The following ALPK2 variants were observed in gnomAD, a reference collection of about 807,000 sequenced individuals.
ALPK2 encodes the protein alpha kinase 2, also known as alpha-protein kinase 2.
ALPK2 carries 127 observed loss-of-function variants against 163.1 expected under a neutral mutation model. The observed-to-expected ratio is 0.78, with a 90% CI of 0.67 to 0.90. ALPK2 has a LOEUF of 0.90. Ranked by LOEUF, ALPK2 falls within the 40% of genes least tolerant of loss-of-function variation. The pLI, the probability that ALPK2 is intolerant of heterozygous loss-of-function variation, is 0.00. For synonymous variants in ALPK2, 953 were observed against 959.1 expected (o/e 0.99, Z 0.12); for missense variants, 2,360 against 2,589.6 (o/e 0.91, Z 1.92).
chr18:58,554,951 C>G (rs2051782251), intron 4 of ALPK2, among the ~76,000 whole-genome samples: 1 of 152,228 alleles, frequency 6.6e-6, no homozygotes, highest in African/African-American at 2.4e-5. Context: ...CTTTGCACAC[C>G]CTCTCTTATT....
rs398033036 is a variant in ALPK2 at position 58,521,627 on chromosome 18, CTTT to C, written c.5665+2176_5665+2178del. Among the ~76,000 whole-genome samples the C allele has an allele frequency of 2.7e-4, 15 of 55,386 alleles. 2 individuals are homozygous for C. The highest frequency in any genetic ancestry group is 6.3e-4 in the African/African-American group (10 of 15,832). 36.3% of individuals were successfully genotyped at this position (55,386 alleles called of 152,430 possible). ...TTTCTTTTTCTTTCTTTCTCTCTCT[CTTT>C]TTTTTTTTTTTTTTTTGAGATGGAG... On this transcript the variant is annotated intron_variant, in intron 8 of 12. Coordinates refer to ENST00000361673, the MANE Select transcript of ALPK2 (RefSeq NM_052947.4).
At chr18:58,619,697 A>G (rs7228683) in intron 1 of ALPK2, among the ~76,000 whole-genome samples, 133,236 of 152,312 alleles carry the variant, frequency 0.87, 58,687 homozygotes, top group East Asian at 1. Context: ...AAAATTGAGT[A>G]CTGGCAGCAA....
chr18:58,577,996 G>GT (rs1280293077), intron 4 of ALPK2: 2 of 152,104 alleles, frequency 1.3e-5, no homozygotes, highest in Non-Finnish European at 2.9e-5. Flanking sequence ...ATATTACAGC[G>GT]TAAGTCCAAA....
chr18:58,613,167 G>A (rs1032366210), intron 1 of ALPK2, among the ~76,000 whole-genome samples: 6 of 152,120 alleles, frequency 3.9e-5, no homozygotes, highest in Non-Finnish European at 5.9e-5. Context: ...CCTGAGAGAC[G>A]AGTTCCCCGA....
At chr18:58,529,266 G>A (rs1327098754) in intron 5 of ALPK2, 28 bp from the exon 6 acceptor site, 2 of 1,593,864 alleles carry the variant, frequency 1.3e-6, no homozygotes, top group Non-Finnish European at 1.7e-6. Context: ...GAAGGTCAGT[G>A]TAACAAAAGA....
intron 4 of ALPK2, chr18:58,538,518 G>A (rs573178993): frequency 4.3e-5 from 15 of 350,624 alleles, no homozygotes; most frequent in Non-Finnish European, 1.6e-5. Context: ...GGAAATAGAT[G>A]GAAATAAATC....
Position 58,578,978 on chromosome 18 carries a change from T to G in ALPK2, c.1798A>C (p.Arg600=). ...ATGRSSHADA[R]ECAISTQAEQ... Reference sequence around the variant, plus strand: ...GCCTGGGTTGAAATAGCACATTCTCTTGCATCAGCATGGGAACTCCGACCA... The same window carrying G: ...GCCTGGGTTGAAATAGCACATTCTCGTGCATCAGCATGGGAACTCCGACCA... The change falls in exon 4 of 13, where the codon AGA becomes CGA. Residue 600 remains arginine (R), a synonymous_variant. Coordinates refer to ENST00000361673, the MANE Select transcript of ALPK2 (RefSeq NM_052947.4). The G allele has an allele frequency of 6.2e-7, 1 of 1,614,208 alleles. No homozygotes were observed. The highest frequency in any genetic ancestry group is 8.5e-7 in the Non-Finnish European group (1 of 1,180,028).
At chr18:58,615,567 A>G (rs755840299) in intron 1 of ALPK2, among the ~76,000 whole-genome samples, 1 of 152,254 alleles carries the variant, frequency 6.6e-6, no homozygotes, top group Non-Finnish European at 1.5e-5. Flanking sequence ...AATGGTAATC[A>G]GCGTAGTATA....
chr18:58,593,257 TAA>T (rs531948378), intron 3 of ALPK2, among the ~76,000 whole-genome samples: 1 of 152,168 alleles, frequency 6.6e-6, no homozygotes, highest in Admixed American at 6.5e-5. Context: ...GCTCTAAAAT[TAA>T]AGTCTATTTA....
chr18:58,623,271 T>G (rs763604268), intron 1 of ALPK2, among the ~76,000 whole-genome samples: 10 of 152,040 alleles, frequency 6.6e-5, no homozygotes, highest in Admixed American at 1.3e-4. Flanking sequence ...GGGGTCCCAC[T>G]ATGTTGCCCA....
chr18:58,513,247 T>A (rs2051503902), intron 10 of ALPK2, among the ~76,000 whole-genome samples: 1 of 151,658 alleles, frequency 6.6e-6, no homozygotes, highest in South Asian at 2.1e-4. Context: ...GTGTGTATGG[T>A]GAGTGTTGTT....
chr18:58,596,068 G>C (rs2052039451), intron 3 of ALPK2, among the ~76,000 whole-genome samples: 2 of 152,208 alleles, frequency 1.3e-5, no homozygotes, highest in African/African-American at 4.8e-5. Flanking sequence ...TGACTGGCAA[G>C]CTGCCCCCGC....
intron 4 of ALPK2, among the ~76,000 whole-genome samples, chr18:58,552,791 T>G (rs1422383465): frequency 6.6e-6 from 1 of 152,134 alleles, no homozygotes; most frequent in Admixed American, 6.5e-5. Context: ...CAGATGAAAT[T>G]ATGAAGCCTG....
intron 5 of ALPK2, among the ~76,000 whole-genome samples, chr18:58,533,717 A>G (rs1323384082): frequency 6.6e-6 from 1 of 152,234 alleles, no homozygotes; most frequent in East Asian, 1.9e-4. Flanking sequence ...CGGCCTCCCA[A>G]ATTGCTGGGA....
chr18:58,537,922 C>T lies in ALPK2; in HGVS notation c.2265G>A (p.Val755=), dbSNP rs772170426. 6.2e-7 allele frequency: 1 copy of T among 1,614,198 alleles called. No homozygotes were observed. The highest frequency in any genetic ancestry group is 1.1e-5 in the South Asian group (1 of 91,078). ...CATCCTTGGGGAGATGCCTTGAGAA[C>T]ACACCTGGGGACATAGTCTCATCAT... ...EANDETMSPG[V]FSRHLPKDAR... Residue 755 remains valine, a synonymous_variant, in exon 5 of 13, where the codon GTG becomes GTA. Coordinates refer to ENST00000361673, the MANE Select transcript of ALPK2 (RefSeq NM_052947.4).
rs200606212 is a variant in ALPK2 at position 58,538,118 on chromosome 18, G to A, written c.2069C>T (p.Ser690Phe). ...GTGGACCCCTCCTAAGTTTGAGAAG[G>A]AAATTGTTGTGGTCCCAGTGAATGG... ...ESPFTGTTTI[S>F]FSNLGGVHKE... Residue 690 changes from serine to phenylalanine, a missense_variant, in exon 5 of 13, where the codon TCC becomes TTC. By Grantham distance (155) the Ser-to-Phe change is radical. Coordinates refer to ENST00000361673, the MANE Select transcript of ALPK2 (RefSeq NM_052947.4). The A allele has an allele frequency of 1.2e-6, 2 of 1,614,146 alleles. No individual in the cohort carries two copies. Among genetic ancestry groups the A allele is most frequent in the Non-Finnish European group, 8.5e-7 (1 of 1,180,036 alleles).
chr18:58,611,586 A>T, intron 2 of ALPK2, 103 bp downstream of exon 2: 1 of 1,030,278 alleles, frequency 9.7e-7, no homozygotes, highest in Non-Finnish European at 1.5e-6. Flanking sequence ...AAAACTTCCA[A>T]GGTAATTTTC....
intron 3 of ALPK2, chr18:58,580,782 G>A: frequency 1.9e-6 from 1 of 536,642 alleles, no homozygotes. Flanking sequence ...CCTCAACGCT[G>A]CCTCAAATGG....
At chr18:58,545,058 G>A (rs2051710450) in intron 4 of ALPK2, 1 of 152,186 alleles carries the variant, frequency 6.6e-6, no homozygotes. Flanking sequence ...TGTAATGCCT[G>A]GTGCTGCAGC....
Sources: allele counts gnomAD v4.1 joint callset (sites outside exome capture counted in the v4.1 genomes callset), GRCh38; gene constraint gnomAD v4.1.1; transcripts MANE v1.5; gene names NCBI Gene and HGNC (gene_info 2026-07-23, HGNC 2026-07-21).